Variants in ARHGAP12 observed in about 807,000 individuals in gnomAD.
ARHGAP12 encodes the protein Rho GTPase activating protein 12, also known as rho GTPase-activating protein 12.
Under a neutral mutation model 108.6 loss-of-function variants are expected in ARHGAP12, and 64 were observed. The ratio of observed to expected loss-of-function variants is 0.59; its 90% confidence interval spans 0.48 to 0.73. The LOEUF (loss-of-function observed/expected upper bound fraction) is 0.73, where lower values mean the gene tolerates loss of function less well. Among genes scored for constraint, ARHGAP12 ranks in the 30% least tolerant of loss-of-function variants. The pLI is 0.00. For missense variants in ARHGAP12, 940 were observed against 1,005.9 expected, an observed-to-expected ratio of 0.93 and a Z score of 0.89; for synonymous variants, 312 against 337.2, an observed-to-expected ratio of 0.93 and a Z score of 0.82.
At chr10:31,873,930 C>T (rs1285368229) in intron 3 of ARHGAP12, among the ~76,000 whole-genome samples, 1 of 152,158 alleles carries the variant, frequency 6.6e-6, no homozygotes, top group Non-Finnish European at 1.5e-5. Flanking sequence ...AGGCAACATG[C>T]GATGACCTGG....
chr10:31,855,331 T>C (rs1466824747), intron 4 of ARHGAP12, among the ~76,000 whole-genome samples: 1 of 152,196 alleles, frequency 6.6e-6, no homozygotes, highest in Non-Finnish European at 1.5e-5. Flanking sequence ...TTAAAAATCA[T>C]TTATTAGGTT....
At chr10:31,814,816 A>C (rs1322577690) in intron 13 of ARHGAP12, among the ~76,000 whole-genome samples, 1 of 152,164 alleles carries the variant, frequency 6.6e-6, no homozygotes, top group Non-Finnish European at 1.5e-5. Context: ...TTGTCAACGG[A>C]AAGAAATCCT....
chr10:31,906,772 T>C (rs898531799), intron 3 of ARHGAP12, among the ~76,000 whole-genome samples: 6 of 152,052 alleles, frequency 3.9e-5, no homozygotes, highest in South Asian at 2.1e-4. Flanking sequence ...GAAAAAAACA[T>C]AGGATTGCGT....
intron 4 of ARHGAP12, among the ~76,000 whole-genome samples, chr10:31,856,175 A>AT (rs1213723915): frequency 1.3e-5 from 2 of 152,114 alleles, no homozygotes; most frequent in South Asian, 2.1e-4. Flanking sequence ...GTTACATAAA[A>AT]TTTTTTTTAA....
intron 9 of ARHGAP12, among the ~76,000 whole-genome samples, chr10:31,832,247 A>T (rs1339610478): frequency 3.9e-5 from 6 of 152,210 alleles, no homozygotes; most frequent in Non-Finnish European, 7.4e-5. Flanking sequence ...AAAAATAGGG[A>T]GACCAAATAC....
intron 11 of ARHGAP12, among the ~76,000 whole-genome samples, chr10:31,822,079 T>A (rs1835437677): frequency 6.8e-6 from 1 of 146,702 alleles, no homozygotes; most frequent in African/African-American, 2.5e-5. Context: ...CATGGAATGC[T>A]AAAAAAAAAA....
At chr10:31,827,283 A>T (rs1415287608) in intron 10 of ARHGAP12, among the ~76,000 whole-genome samples, 1 of 152,228 alleles carries the variant, frequency 6.6e-6, no homozygotes, top group African/African-American at 2.4e-5. Context: ...TTATTTGAAA[A>T]AACAAAACAG....
intron 3 of ARHGAP12, among the ~76,000 whole-genome samples, chr10:31,893,790 CAA>C (rs1179432722): frequency 2.0e-5 from 3 of 151,494 alleles, no homozygotes; most frequent in Admixed American, 2.0e-4. Flanking sequence ...AGAGACACAA[CAA>C]AAAAAAGAGA....
At chr10:31,853,056 T>G (rs2132284195) in intron 5 of ARHGAP12, among the ~76,000 whole-genome samples, 1 of 152,330 alleles carries the variant, frequency 6.6e-6, no homozygotes. Flanking sequence ...CTAATTATAC[T>G]AAAAGCCTTG....
At chr10:31,818,766 C>A (rs187652937) in intron 12 of ARHGAP12, among the ~76,000 whole-genome samples, 17 of 152,228 alleles carry the variant, frequency 1.1e-4, no homozygotes, top group Admixed American at 3.9e-4. Context: ...TAACTAGATT[C>A]TCTCCTTCAA....
At chr10:31,891,956 A>G (rs1025343490) in intron 3 of ARHGAP12, among the ~76,000 whole-genome samples, 5 of 151,966 alleles carry the variant, frequency 3.3e-5, no homozygotes, top group African/African-American at 7.3e-5. Flanking sequence ...CCTTCTCCAC[A>G]TTGGTTATTC....
chr10:31,846,560 T>TAA (rs1836465392), intron 6 of ARHGAP12, among the ~76,000 whole-genome samples: 1 of 152,224 alleles, frequency 6.6e-6, no homozygotes, highest in Admixed American at 6.5e-5. Flanking sequence ...TTCCATGGCT[T>TAA]CTGATAAGGC....
chr10:31,879,873 T>TC (rs1837871423), intron 3 of ARHGAP12, among the ~76,000 whole-genome samples: 1 of 152,216 alleles, frequency 6.6e-6, no homozygotes, highest in Non-Finnish European at 1.5e-5. Context: ...CCTACATGCT[T>TC]CTACAGGGTT....
rs1834864728 is a variant in ARHGAP12 at position 31,807,629 on chromosome 10, T to C, written c.*29A>G. On this transcript the variant is annotated 3_prime_UTR_variant, in exon 20 of 20. Coordinates refer to ENST00000344936, the MANE Select transcript of ARHGAP12 (RefSeq NM_018287.7). The stretch of plus-strand genomic sequence containing the variant: ...ATTTGAAATCTGATGGAATCCAGCT[T>C]CTATTCCACAGGTTGTCTTCAGTAA... The C allele has an allele frequency of 6.4e-7, 1 of 1,567,766 alleles. No homozygotes were observed. Among genetic ancestry groups the C allele is most frequent in the Admixed American group, 2.1e-5 (1 of 48,578 alleles).
chr10:31,808,646 T>G lies in ARHGAP12; in HGVS notation c.2366+3A>C. The stretch of plus-strand genomic sequence containing the variant: ...ACATCCCATGACTGGGCAGTCCTCC[T>G]ACCTTCTGAGATGTCGGAAAAGAAT... On this transcript the variant is annotated splice_donor_region_variant and intron_variant, in intron 19 of 19. Coordinates refer to ENST00000344936, the MANE Select transcript of ARHGAP12 (RefSeq NM_018287.7). The G allele has an allele frequency of 6.2e-7, 1 of 1,613,136 alleles. No individual in the cohort carries two copies. The highest frequency in any genetic ancestry group is 1.1e-5 in the South Asian group (1 of 91,054).
chr10:31,875,322 T>C (rs1837690048), intron 3 of ARHGAP12, among the ~76,000 whole-genome samples: 1 of 152,190 alleles, frequency 6.6e-6, no homozygotes. Flanking sequence ...ACTTAAAGTT[T>C]ACCCAGAAAA....
At chr10:31,831,158 C>T (rs1158102804) in intron 10 of ARHGAP12, among the ~76,000 whole-genome samples, 4 of 152,008 alleles carry the variant, frequency 2.6e-5, no homozygotes, top group African/African-American at 9.7e-5. Flanking sequence ...TTAAAACGTG[C>T]AAATAAATAA....
chr10:31,830,956 T>A lies in ARHGAP12; in HGVS notation c.1448+783A>T, dbSNP rs559065808. 8.5e-4 allele frequency among the ~76,000 whole-genome samples: 130 copies of A among 152,326 alleles called. 4 individuals are homozygous for A. The South Asian group carries it at 0.026, about 31-fold the overall frequency. Reference sequence around the variant, plus strand: ...CCTGGAGGCAGAAACGGATTCAATATCTTACAGTGCAATTTGGAACACTGT... The same window carrying A: ...CCTGGAGGCAGAAACGGATTCAATAACTTACAGTGCAATTTGGAACACTGT... On this transcript the variant is annotated intron_variant, in intron 10 of 19. Coordinates refer to ENST00000344936, the MANE Select transcript of ARHGAP12 (RefSeq NM_018287.7).
chr10:31,922,474 C>A (rs1340035723), intron 1 of ARHGAP12, among the ~76,000 whole-genome samples: 4 of 151,130 alleles, frequency 2.6e-5, no homozygotes, highest in Non-Finnish European at 5.9e-5. Flanking sequence ...ATAATCATAG[C>A]TCACTGCAGC....
Sources: gnomAD v4.1 joint callset for allele counts (sites outside exome capture counted in the v4.1 genomes callset) on GRCh38, gnomAD v4.1.1 for gene constraint, MANE v1.5 for transcripts, NCBI Gene and HGNC (gene_info 2026-07-23, HGNC 2026-07-21) for gene names.